Variants in ITGA6 observed in about 807,000 individuals in gnomAD.
The protein encoded by ITGA6 is integrin alpha-6.
ITGA6 carries 63 observed loss-of-function variants against 133.6 expected under a neutral mutation model. That is an observed-to-expected ratio of 0.47 (90% CI 0.38 to 0.58). The LOEUF is 0.58. ITGA6 is among the 20% of genes least tolerant of loss of function. The pLI, the probability that ITGA6 is intolerant of heterozygous loss-of-function variation, is 0.00. For synonymous variants in ITGA6, 434 were observed against 482.0 expected (o/e 0.90, Z 1.30); for missense variants, 1,068 against 1,309.4 (o/e 0.82, Z 2.85).
chr2:172,491,299 C>T lies in ITGA6; in HGVS notation c.2857C>T (p.Arg953Cys), dbSNP rs556687135. The T allele has an allele frequency of 2.0e-5, 32 of 1,611,456 alleles. No homozygotes were observed. The highest frequency in any genetic ancestry group is 4.5e-5 in the East Asian group (2 of 44,868). ...GLDSKASLIL[R>C]SRLWNSTFLE... ...GGACAGCAAGGCGTCTCTTATTTTGCGCTCGAGGTTATGGAACAGCACATT... is the reference window on the plus strand; with the variant it reads ...GGACAGCAAGGCGTCTCTTATTTTGTGCTCGAGGTTATGGAACAGCACATT... The change falls in exon 22 of 26, where the codon CGC becomes TGC. Residue 953 changes from arginine (R) to cysteine (C), a missense_variant. Physicochemically the swap from Arg to Cys is radical, Grantham distance 180 (BLOSUM62 -3). Around this residue, in one of 3 missense-constraint regions of ITGA6, gnomAD observed 609 missense variants for 707.2 expected, o/e 0.86. Transcript: ENST00000684293. The surrounding 1 kb of genome is among the most constrained non-coding windows in gnomAD (Gnocchi z 4.4).
At chr2:172,503,945 T>G in intron 25 of ITGA6, 146 bp from the exon 26 acceptor site, 1 of 538,812 alleles carries the variant, frequency 1.9e-6, no homozygotes, top group Middle Eastern at 5.3e-4. Context: ...TTCAGCCTCT[T>G]GGTTCTTTCT....
chr2:172,431,704 T>TG (rs2148991118), intron 1 of ITGA6, among the ~76,000 whole-genome samples: 1 of 152,292 alleles, frequency 6.6e-6, no homozygotes, highest in East Asian at 1.9e-4. Context: ...TGGGTCACCT[T>TG]GAATGCTAAG....
Position 172,427,615 on chromosome 2 carries a change from C to A in ITGA6, c.-174C>A, listed in dbSNP as rs1001726462. 9 of 1,280,302 alleles carry A rather than the reference C, an allele frequency of 7.0e-6. No individual in the cohort carries two copies. Among genetic ancestry groups the A allele is most frequent in the East Asian group, 6.7e-5 (2 of 29,926 alleles). 79.3% of individuals were successfully genotyped at this position (1,280,302 alleles called of 1,614,324 possible). A position where few individuals can be genotyped will look rare whatever the true frequency, so the allele number is the denominator to read the frequency against. On this transcript the variant is annotated 5_prime_UTR_variant, in exon 1 of 26. Transcript: ENST00000684293. ...GGCTCATTCAGCGGTCGCGAGCTGC[C>A]CGCGAGGGGGAGCGGCCGGACGGAG...
chr2:172,437,743 A>G (rs1684380916), intron 1 of ITGA6, among the ~76,000 whole-genome samples: 1 of 152,146 alleles, frequency 6.6e-6, no homozygotes, highest in Admixed American at 6.5e-5. Context: ...TGAACTGATG[A>G]GGGCACCAAG....
intron 1 of ITGA6, chr2:172,465,288 T>TA: frequency 1.8e-6 from 1 of 563,954 alleles, no homozygotes; most frequent in Non-Finnish European, 3.2e-6. Context: ...GAAATGCTGA[T>TA]ACTATGAGAG....
intron 1 of ITGA6, among the ~76,000 whole-genome samples, chr2:172,441,559 TAAAA>T (rs57828626): frequency 0.014 from 663 of 48,718 alleles, 8 homozygotes; most frequent in African/African-American, 0.041. Context: ...GCTGTCTCTT[TAAAA>T]AAAAAAAAAA....
intron 1 of ITGA6, among the ~76,000 whole-genome samples, chr2:172,438,139 GT>G (rs1359809496): frequency 6.6e-6 from 1 of 151,582 alleles, no homozygotes; most frequent in South Asian, 2.1e-4. Context: ...TTTTTGTTTC[GT>G]TTTGTTTAAG....
At chr2:172,465,981 A>AT (rs1231792722) in intron 2 of ITGA6, 1 of 436,838 alleles carries the variant, frequency 2.3e-6, no homozygotes, top group South Asian at 2.1e-5. Context: ...AAGAGAATGA[A>AT]TGAGCGTATC....
chr2:172,488,937 C>T (rs1686804742), intron 19 of ITGA6, among the ~76,000 whole-genome samples: 1 of 152,192 alleles, frequency 6.6e-6, no homozygotes, highest in Admixed American at 6.5e-5. Flanking sequence ...AGTCTCGACA[C>T]CAAGAGGGCT....
chr2:172,480,886 A>G (rs1686413772), intron 11 of ITGA6: 1 of 152,064 alleles, frequency 6.6e-6, no homozygotes, highest in Non-Finnish European at 1.5e-5. Flanking sequence ...CGTTAATGAT[A>G]CTCTTAACAA....
At chr2:172,484,254 G>T (rs1474128070) in intron 11 of ITGA6, among the ~76,000 whole-genome samples, 2 of 152,214 alleles carry the variant, frequency 1.3e-5, no homozygotes, top group Non-Finnish European at 2.9e-5. Flanking sequence ...ATCTGGTGAT[G>T]CTGTTATTAA....
chr2:172,481,872 T>C (rs1210132642), intron 11 of ITGA6, among the ~76,000 whole-genome samples: 1 of 152,232 alleles, frequency 6.6e-6, no homozygotes, highest in Admixed American at 6.5e-5. Flanking sequence ...CCTTTCAGTA[T>C]CATTTGTGTT....
chr2:172,500,821 G>GT (rs1415424842), intron 24 of ITGA6, among the ~76,000 whole-genome samples: 1 of 152,184 alleles, frequency 6.6e-6, no homozygotes, highest in Non-Finnish European at 1.5e-5. Flanking sequence ...GGTTAGGCAC[G>GT]TGGAATATGG....
At chr2:172,450,831 TAAA>T (rs1684957116) in intron 1 of ITGA6, among the ~76,000 whole-genome samples, 1 of 145,036 alleles carries the variant, frequency 6.9e-6, no homozygotes, top group African/African-American at 2.6e-5. Flanking sequence ...TATATATATA[TAAA>T]ATATATATAT....
chr2:172,466,791 T>G (rs906276805), intron 2 of ITGA6, among the ~76,000 whole-genome samples: 2 of 152,368 alleles, frequency 1.3e-5, no homozygotes, highest in African/African-American at 4.8e-5. Context: ...TTGTTTAATG[T>G]TTTTGTAATG....
At chr2:172,467,761 C>T (rs1326950900) in intron 3 of ITGA6, among the ~76,000 whole-genome samples, 3 of 152,030 alleles carry the variant, frequency 2.0e-5, no homozygotes, top group African/African-American at 4.8e-5. Context: ...CCAAGGCGGG[C>T]GGATCACCTG....
intron 1 of ITGA6, among the ~76,000 whole-genome samples, chr2:172,452,653 T>C (rs1027332113): frequency 2.6e-5 from 4 of 152,222 alleles, no homozygotes; most frequent in Non-Finnish European, 4.4e-5. Flanking sequence ...TTGCTAGTGC[T>C]GTTAGTTCTG....
Position 172,488,161 on chromosome 2 carries a change from C to T in ITGA6, c.2438C>T (p.Thr813Ile). 6.2e-7 allele frequency: 1 copy of T among 1,613,952 alleles called. No homozygotes were observed. Among genetic ancestry groups the T allele is most frequent in the Non-Finnish European group, 8.5e-7 (1 of 1,179,914 alleles). The change falls in exon 19 of 26, where the codon ACA (threonine) becomes ATA (isoleucine). Residue 813 changes from threonine to isoleucine, a missense_variant. Thr to Ile is a moderately conservative substitution (Grantham distance 89, BLOSUM62 -1). Transcript: ENST00000684293. ...CCTTCCCAGGTGTATTTTGGAGGTACAGTTGTTGGCGAGCAAGCTATGAAA... is the reference window on the plus strand; with the variant it reads ...CCTTCCCAGGTGTATTTTGGAGGTATAGTTGTTGGCGAGCAAGCTATGAAA... The part of the protein sequence containing the change: ...AKPSQVYFGG[T>I]VVGEQAMKSE...
At chr2:172,465,787 T>A (rs1229475021) in intron 2 of ITGA6, 124 bp downstream of exon 2, 4 of 1,309,106 alleles carry the variant, frequency 3.1e-6, no homozygotes, top group Non-Finnish European at 4.4e-6. Context: ...GCATCAGACT[T>A]GACTGTTTTT....
Sources: allele counts gnomAD v4.1 joint callset (sites outside exome capture counted in the v4.1 genomes callset), GRCh38; gene constraint gnomAD v4.1.1; regional missense constraint gnomAD v4.1.1; non-coding constraint Gnocchi (gnomAD v3.1); transcripts MANE v1.5; gene names NCBI Gene and HGNC (gene_info 2026-07-23, HGNC 2026-07-21).